Variants in KCTD19 observed in about 807,000 individuals in gnomAD.
KCTD19 encodes the protein BTB/POZ domain-containing protein KCTD19.
KCTD19 carries 67 observed loss-of-function variants against 103.5 expected under a neutral mutation model. That is an observed-to-expected ratio of 0.65 (90% CI 0.53 to 0.79). The LOEUF is 0.79. Among genes scored for constraint, KCTD19 ranks in the 30% least tolerant of loss-of-function variants. The pLI is 0.00. For missense variants in KCTD19, 980 were observed against 1,136.1 expected, an observed-to-expected ratio of 0.86 and a Z score of 1.98; for synonymous variants, 439 against 452.2, an observed-to-expected ratio of 0.97 and a Z score of 0.37.
Position 67,289,639 on chromosome 16 carries a change from A to G in KCTD19, c.2711T>C (p.Leu904Pro). Reference protein sequence around the residue: ...FARKYGRCMDLLIQRGLSRSV... With the variant: ...FARKYGRCMDPLIQRGLSRSV... ...CCTAGACAGGCCCCTCTGGATGAGC[A>G]GGTCCATGCATCGGCCATATTTCCT... is the stretch of plus-strand genomic sequence containing the variant. The change falls in exon 16 of 16, where the codon CTG (leucine) becomes CCG (proline). Residue 904 changes from leucine to proline, a missense_variant. By Grantham distance (98) the Leu-to-Pro change is moderately conservative. Transcript: ENST00000304372. 2 of 1,614,152 alleles carry G rather than the reference A, an allele frequency of 1.2e-6. No homozygotes were observed. Among genetic ancestry groups the G allele is most frequent in the South Asian group, 1.1e-5 (1 of 91,076 alleles).
chr16:67,305,995 G>A (rs995879560), intron 2 of KCTD19, among the ~76,000 whole-genome samples: 1 of 152,190 alleles, frequency 6.6e-6, no homozygotes, highest in Non-Finnish European at 1.5e-5. Flanking sequence ...AAAGCACTGG[G>A]CAATGGTGGG....
In KCTD19 at chr16:67,303,109, A is replaced by AGGGGG; in HGVS notation, c.643+36_643+37insCCCCC. On this transcript the variant is annotated intron_variant, in intron 4 of 15. Transcript: ENST00000304372. This position sits in a 1 kb window ranked among gnomAD's most constrained non-coding sequence, Gnocchi z 4.3. ...TGGGGAGGGGTGAATGGGCCCTATC[A>AGGGGG]GCCCGCCCCCCACCCCACCCCGGAC... is the stretch of plus-strand genomic sequence containing the variant. 2 of 483,252 alleles carry AGGGGG rather than the reference A, an allele frequency of 4.1e-6. No homozygotes were observed. The highest frequency in any genetic ancestry group is 6.3e-5 in the East Asian group (1 of 15,874). The allele number at this position is 483,252 out of a possible 1,614,324, so 29.9% of individuals were successfully genotyped here. A position where few individuals can be genotyped will look rare whatever the true frequency, so the allele number is the denominator to read the frequency against.
At chr16:67,325,915 CTTTTTTTTTTTT>C (rs777824146) in intron 1 of KCTD19, 1 of 129,318 alleles carries the variant, frequency 7.7e-6, no homozygotes, top group East Asian at 2.1e-4. Flanking sequence ...AATTTCTTAC[CTTTTTTTTTTTT>C]TTTTTTTTGA....
rs1471048460 is a variant in KCTD19 at position 67,289,743 on chromosome 16, G to T, written c.2668-61C>A. 4 of 1,269,116 alleles carry T rather than the reference G, an allele frequency of 3.2e-6. No homozygotes were observed. The African/African-American group carries it at 4.4e-5, about 14-fold the overall frequency. 78.6% of individuals were successfully genotyped at this position (1,269,116 alleles called of 1,614,324 possible). A position where few individuals can be genotyped will look rare whatever the true frequency, so the allele number is the denominator to read the frequency against. On this transcript the variant is annotated intron_variant, in intron 15 of 15. Transcript: ENST00000304372. ...GGCCAGTTGTCTACTCTAGCTCCAT[G>T]TGGGTGGGGTTCTCCCATTGGGGCA...
rs202058376 is a variant in KCTD19, at chr16:67,289,676, G to C, written c.2674C>G (p.Leu892Val). Residue 892 changes from leucine to valine, a missense_variant, in exon 16 of 16, where the codon CTG becomes GTG. Coordinates refer to ENST00000304372, the MANE Select transcript of KCTD19 (RefSeq NM_001100915.3). ...CGGCCATATTTCCTGGCGAAGGGCA[G>C]TGTAAGCTGGAAGGAAAGGCCAGTC... ...ERLYSWVELT[L>V]PFARKYGRCM... 2 of 1,612,338 alleles carry C rather than the reference G, an allele frequency of 1.2e-6. No individual in the cohort carries two copies. The highest frequency in any genetic ancestry group is 1.7e-6 in the Non-Finnish European group (2 of 1,178,596).
chr16:67,323,319 T>C lies in KCTD19; in HGVS notation c.4-2434A>G, dbSNP rs1042622629. On this transcript the variant is annotated intron_variant, in intron 1 of 15. Transcript: ENST00000304372. This position sits in a 1 kb window ranked among gnomAD's most constrained non-coding sequence, Gnocchi z 4.1. ...TAATGTCCATCAACTGACAGATGAG[T>C]AAACAAAATGTAGTATATCCACACA... is the stretch of plus-strand genomic sequence containing the variant. 2.0e-5 allele frequency among the ~76,000 whole-genome samples: 3 copies of C among 152,106 alleles called. No individual in the cohort carries two copies. Among genetic ancestry groups the C allele is most frequent in the Non-Finnish European group, 4.4e-5 (3 of 68,024 alleles).
In KCTD19 at chr16:67,294,640, C is replaced by T; in HGVS notation, c.1530G>A (p.Arg510=). ...SENEEAFSIR[R]LHVVTEGPGS... is the part of the protein sequence containing the mutation. ...CTGGCCCTTCTGTCACCACATGCAG[C>T]CTCCTGATGGAAAAAGCTTCTTCAT... The change falls in exon 11 of 16, where the codon AGG becomes AGA. Residue 510 remains arginine, a synonymous_variant. Coordinates refer to ENST00000304372, the MANE Select transcript of KCTD19 (RefSeq NM_001100915.3). The T allele has an allele frequency of 6.2e-7, 1 of 1,614,188 alleles. No individual in the cohort carries two copies. The highest frequency in any genetic ancestry group is 8.5e-7 in the Non-Finnish European group (1 of 1,180,022).
intron 5 of KCTD19, 34 bp from the exon 6 acceptor site, chr16:67,299,607 C>A (rs1319307338): frequency 1.3e-6 from 2 of 1,582,682 alleles, no homozygotes; most frequent in Non-Finnish European, 1.7e-6. Flanking sequence ...CTCCTAGGCC[C>A]CCCATGGTCA....
intron 9 of KCTD19, 64 bp downstream of exon 9, chr16:67,295,199 C>T: frequency 6.3e-7 from 1 of 1,598,816 alleles, no homozygotes; most frequent in East Asian, 2.2e-5. Flanking sequence ...CTCAGGTCTC[C>T]TTTGTTGCTA....
intron 2 of KCTD19, among the ~76,000 whole-genome samples, chr16:67,312,009 T>C (rs1005120309): frequency 6.6e-6 from 1 of 152,174 alleles, no homozygotes; most frequent in Non-Finnish European, 1.5e-5. Context: ...CTTAAAAACG[T>C]CATTTGTGTG....
chr16:67,294,828 T>G, intron 10 of KCTD19, 134 bp from the exon 11 acceptor site: 2 of 935,266 alleles, frequency 2.1e-6, no homozygotes, highest in Non-Finnish European at 3.4e-6. Flanking sequence ...GGGTTTTGCC[T>G]AGGTCACTGG....
In KCTD19 at chr16:67,293,091, C is replaced by T. The variant is rs185549485; in HGVS notation, c.2218+453G>A. ...GTGCTCTTGTCTAAAATCCTTCAGA[C>T]GCTGCTCACTCCCATCCTGGTCAGA... is the stretch of plus-strand genomic sequence containing the variant. On this transcript the variant is annotated intron_variant, in intron 12 of 15. Coordinates refer to ENST00000304372, the MANE Select transcript of KCTD19 (RefSeq NM_001100915.3). The surrounding 1 kb of genome is among the most constrained non-coding windows in gnomAD (Gnocchi z 4.0). Among the ~76,000 whole-genome samples the T allele has an allele frequency of 3.3e-4, 51 of 152,312 alleles. No individual in the cohort carries two copies. The highest frequency in any genetic ancestry group is 4.6e-4 in the Non-Finnish European group (31 of 68,028).
chr16:67,308,110 T>TCTTCCTTC (rs1227442730), intron 2 of KCTD19, among the ~76,000 whole-genome samples: 2 of 151,702 alleles, frequency 1.3e-5, no homozygotes, highest in Non-Finnish European at 2.9e-5. Context: ...ATCCTAAATT[T>TCTTCCTTC]CTTCCTTCCT....
At chr16:67,321,362 C>T (rs1270653746) in intron 1 of KCTD19, among the ~76,000 whole-genome samples, 1 of 151,966 alleles carries the variant, frequency 6.6e-6, no homozygotes, top group Admixed American at 6.6e-5. Flanking sequence ...ATAAATTTAA[C>T]AAAAGAATGA....
intron 5 of KCTD19, 79 bp from the exon 6 acceptor site, chr16:67,299,652 C>T (rs781243138): frequency 7.7e-6 from 9 of 1,173,848 alleles, no homozygotes; most frequent in East Asian, 2.4e-5. Context: ...TCGGTTCCTA[C>T]TGCTGCCTCC....
chr16:67,321,552 GA>G (rs1218874273), intron 1 of KCTD19: 1 of 151,936 alleles, frequency 6.6e-6, no homozygotes, highest in Admixed American at 6.6e-5. Context: ...TGCAAAAATT[GA>G]AAAACTGATG....
rs890478571 is a variant in KCTD19, at chr16:67,299,730, T to C, written c.776-157A>G. 11 of 615,394 alleles carry C rather than the reference T, an allele frequency of 1.8e-5. No homozygotes were observed. In the Admixed American group the frequency reaches 3.5e-4, roughly 19 times the overall value. 38.1% of individuals were successfully genotyped at this position (615,394 alleles called of 1,614,324 possible). A position where few individuals can be genotyped will look rare whatever the true frequency, so the allele number is the denominator to read the frequency against. On this transcript the variant is annotated intron_variant, in intron 5 of 15. Coordinates refer to ENST00000304372, the MANE Select transcript of KCTD19 (RefSeq NM_001100915.3). ...GTCCAAATCAAGATCTTCTCAAAAT[T>C]AGTATAATTTTTTTGTATACTCAGG...
intron 11 of KCTD19, 94 bp from the exon 12 acceptor site, chr16:67,294,265 C>A: frequency 2.3e-6 from 3 of 1,296,792 alleles, no homozygotes; most frequent in Non-Finnish European, 2.1e-6. Context: ...CAAGACTTCA[C>A]TTGCTCTCCC....
chr16:67,313,112 T>C (rs1328721972), intron 2 of KCTD19, among the ~76,000 whole-genome samples: 2 of 92,380 alleles, frequency 2.2e-5, no homozygotes, highest in Non-Finnish European at 3.7e-5. Context: ...GAAATTAGAA[T>C]TTTTTTTTTT....
Sources: gnomAD v4.1 joint callset for allele counts (sites outside exome capture counted in the v4.1 genomes callset) on GRCh38, gnomAD v4.1.1 for gene constraint, Gnocchi (gnomAD v3.1) non-coding constraint, MANE v1.5 for transcripts, NCBI Gene and HGNC (gene_info 2026-07-23, HGNC 2026-07-21) for gene names.